The following PTGER3 variants were observed in gnomAD, a reference collection of about 807,000 sequenced individuals.
The protein encoded by PTGER3 is prostaglandin E2 receptor EP3 subtype.
PTGER3 carries 22 observed loss-of-function variants against 34.7 expected under a neutral mutation model. That is an observed-to-expected ratio of 0.63 (90% CI 0.45 to 0.91). The LOEUF is 0.91. PTGER3 is among the 40% of genes least tolerant of loss of function. PTGER3 has a pLI of 0.00. For synonymous variants in PTGER3, 241 were observed against 230.1 expected, an observed-to-expected ratio of 1.05 and a Z score of -0.43; for missense variants, 468 against 519.4, an observed-to-expected ratio of 0.90 and a Z score of 0.96.
At chr1:71,001,484 T>C (rs1656482486) in intron 2 of PTGER3, among the ~76,000 whole-genome samples, 1 of 152,164 alleles carries the variant, frequency 6.6e-6, no homozygotes, top group South Asian at 2.1e-4. Flanking sequence ...ATCCATCTCA[T>C]TCAGGAGAAA....
At chr1:71,042,444 C>T (rs1206898072) in intron 1 of PTGER3, among the ~76,000 whole-genome samples, 1 of 151,838 alleles carries the variant, frequency 6.6e-6, no homozygotes, top group African/African-American at 2.4e-5. Context: ...ATATTTCACT[C>T]ATAAATGTGG....
At chr1:70,874,246 C>T (rs1378215050) in intron 4 of PTGER3, among the ~76,000 whole-genome samples, 1 of 152,212 alleles carries the variant, frequency 6.6e-6, no homozygotes, top group Non-Finnish European at 1.5e-5. Flanking sequence ...TGTACTCACA[C>T]TTCCTCAGCC....
At chr1:71,029,106 A>G (rs1256127943) in intron 1 of PTGER3, among the ~76,000 whole-genome samples, 1 of 152,200 alleles carries the variant, frequency 6.6e-6, no homozygotes, top group Non-Finnish European at 1.5e-5. Flanking sequence ...AGATTAAAAA[A>G]CCATCTAATG....
chr1:70,947,555 AGTAG>A (rs1213116601), downstream of PTGER3: 1 of 152,156 alleles, frequency 6.6e-6, no homozygotes, highest in Non-Finnish European at 1.5e-5. Flanking sequence ...GGACTAATAC[AGTAG>A]GTGTGCAACA....
At chr1:70,996,639 T>TTTTTTTATTTATTTA (rs774610328) in intron 2 of PTGER3, among the ~76,000 whole-genome samples, 21 of 122,752 alleles carry the variant, frequency 1.7e-4, no homozygotes, top group African/African-American at 5.7e-4. Context: ...TTTTTTGTAT[T>TTTTTTTATTTATTTA]TTTATTTATT....
chr1:70,904,468 C>T (rs1270259063), intron 4 of PTGER3, among the ~76,000 whole-genome samples: 1 of 152,136 alleles, frequency 6.6e-6, no homozygotes, highest in Non-Finnish European at 1.5e-5. Context: ...TGTTAAATGG[C>T]TTTGAGAAAA....
chr1:71,011,255 G>T (rs1657416130), intron 2 of PTGER3: 1 of 985,120 alleles, frequency 1.0e-6, no homozygotes, highest in African/African-American at 1.7e-5. Context: ...GAGCTGTGAA[G>T]GGTCAATGTT....
intron 1 of PTGER3, among the ~76,000 whole-genome samples, chr1:71,034,301 C>A (rs1322803494): frequency 6.6e-6 from 1 of 151,928 alleles, no homozygotes; most frequent in Non-Finnish European, 1.5e-5. Flanking sequence ...TTAATGTGTT[C>A]CTTTTGTCAT....
intron 3 of PTGER3, among the ~76,000 whole-genome samples, chr1:70,972,418 G>A: frequency 6.6e-6 from 1 of 151,996 alleles, no homozygotes; most frequent in East Asian, 1.9e-4. Flanking sequence ...TTTCACACAC[G>A]GTTGATGAAA....
At chr1:70,962,282 A>G (rs1452166497) in intron 2 of PTGER3, among the ~76,000 whole-genome samples, 1 of 152,220 alleles carries the variant, frequency 6.6e-6, no homozygotes, top group Non-Finnish European at 1.5e-5. Context: ...TGGAGTTTCC[A>G]AGATTGTGTT....
intron 2 of PTGER3, among the ~76,000 whole-genome samples, chr1:70,983,058 GA>G (rs1468667817): frequency 6.6e-6 from 1 of 152,010 alleles, no homozygotes; most frequent in Non-Finnish European, 1.5e-5. Flanking sequence ...ATAAAAAAAG[GA>G]GGCTCCCCAG....
At chr1:70,953,172 T>C (rs1225235083) in intron 3 of PTGER3, 1 of 903,094 alleles carries the variant, frequency 1.1e-6, no homozygotes, top group Non-Finnish European at 1.6e-6. Context: ...ATACAACATT[T>C]ACATTGTATT....
intron 1 of PTGER3, among the ~76,000 whole-genome samples, chr1:71,039,401 A>G (rs1660091401): frequency 6.6e-6 from 1 of 152,134 alleles, no homozygotes; most frequent in Non-Finnish European, 1.5e-5. Context: ...CTGTAATCCC[A>G]GCACTTTGGG....
At chr1:70,966,711 G>A (rs1373160980), downstream of PTGER3, among the ~76,000 whole-genome samples, 1 of 152,008 alleles carries the variant, frequency 6.6e-6, no homozygotes, top group Non-Finnish European at 1.5e-5. Context: ...TTGGTTTTCT[G>A]TTCCTGTGTT....
Position 71,046,739 on chromosome 1 carries a change from G to A in PTGER3, c.839C>T (p.Thr280Met), listed in dbSNP as rs114518249. ...SAQWGRITTETAIQLMGIMCV... is the reference protein window; with the variant it reads ...SAQWGRITTEMAIQLMGIMCV... Reference sequence around the variant, plus strand: ...CATGATCCCCATAAGCTGAATGGCCGTCTCGGTCGTGATGCGGCCCCACTG... The same window carrying A: ...CATGATCCCCATAAGCTGAATGGCCATCTCGGTCGTGATGCGGCCCCACTG... Residue 280 changes from threonine to methionine, a missense_variant, in exon 1 of 4, where the codon ACG becomes ATG. Physicochemically the swap from Thr to Met is moderately conservative, Grantham distance 81. Around this residue, in one of 5 missense-constraint regions of PTGER3, gnomAD observed 204 missense variants for 230.8 expected, o/e 0.88. Coordinates refer to ENST00000306666, the MANE Select transcript of PTGER3 (RefSeq NM_198719.2). 2.5e-6 allele frequency: 4 copies of A among 1,610,824 alleles called. No homozygotes were observed. In the East Asian group the frequency reaches 6.7e-5, roughly 27 times the overall value.
At chr1:70,986,139 G>A (rs1184952891) in intron 2 of PTGER3, among the ~76,000 whole-genome samples, 3 of 152,060 alleles carry the variant, frequency 2.0e-5, no homozygotes, top group Non-Finnish European at 2.9e-5. Flanking sequence ...CAAATGCCAC[G>A]GCAACAACAG....
intron 4 of PTGER3, among the ~76,000 whole-genome samples, chr1:70,916,653 T>C (rs1011184600): frequency 1.3e-5 from 2 of 152,012 alleles, no homozygotes; most frequent in Non-Finnish European, 2.9e-5. Context: ...TACTATATGT[T>C]CTCACTTGTA....
chr1:71,007,877 A>T, intron 2 of PTGER3: 2 of 985,348 alleles, frequency 2.0e-6, no homozygotes, highest in Non-Finnish European at 2.4e-6. Context: ...ATAACTTGAG[A>T]AGTGGAATCA....
chr1:70,970,221 C>A (rs937262767), downstream of PTGER3, among the ~76,000 whole-genome samples: 2 of 152,122 alleles, frequency 1.3e-5, no homozygotes, highest in Non-Finnish European at 2.9e-5. Context: ...ACTGTACCAT[C>A]TTTTGTAAAA....
Sources: allele counts gnomAD v4.1 joint callset (sites outside exome capture counted in the v4.1 genomes callset), GRCh38; gene constraint gnomAD v4.1.1; regional missense constraint gnomAD v4.1.1; transcripts MANE v1.5; gene names NCBI Gene and HGNC (gene_info 2026-07-23, HGNC 2026-07-21).